BICD2: variants seen among roughly 807,000 people sequenced by gnomAD.
BICD2 encodes the protein protein bicaudal D homolog 2.
A neutral mutation model predicts 72.9 loss-of-function variants in BICD2; 25 were observed. The ratio of observed to expected loss-of-function variants is 0.34; its 90% CI spans 0.25 to 0.48. The LOEUF (loss-of-function observed/expected upper bound fraction) is 0.48, where lower values mean the gene tolerates loss of function less well. BICD2 is among the 20% of genes least tolerant of loss of function. The pLI is 0.99. For missense variants in BICD2, 894 were observed against 1,175.2 expected (o/e 0.76, Z 3.50); for synonymous variants, 501 against 516.1 (o/e 0.97, Z 0.40).
chr9:92,762,193 G>GA (rs914595276), intron 1 of BICD2, among the ~76,000 whole-genome samples: 40 of 151,332 alleles, frequency 2.6e-4, no homozygotes, highest in Middle Eastern at 3.4e-3. Flanking sequence ...CTCTACAGGA[G>GA]AAAAAAAACC....
intron 1 of BICD2, among the ~76,000 whole-genome samples, chr9:92,731,323 C>T (rs980026438): frequency 6.6e-6 from 1 of 152,178 alleles, no homozygotes; most frequent in Non-Finnish European, 1.5e-5. Context: ...AGCCTCCTGG[C>T]CTGAGCCCTG....
chr9:92,724,846 G>C (rs1052627883), intron 2 of BICD2, among the ~76,000 whole-genome samples: 1 of 152,200 alleles, frequency 6.6e-6, no homozygotes, highest in Non-Finnish European at 1.5e-5. Context: ...CTGCCAGAAA[G>C]GTTTGCCCAG....
chr9:92,729,280 G>T, intron 1 of BICD2, 44 bp from the exon 2 acceptor site: 2 of 1,602,538 alleles, frequency 1.2e-6, no homozygotes, highest in Non-Finnish European at 1.7e-6. Context: ...CCTCCCAGGG[G>T]CGCCGAAGGA....
At chr9:92,752,962 G>A (rs1479061000) in intron 1 of BICD2, among the ~76,000 whole-genome samples, 1 of 152,196 alleles carries the variant, frequency 6.6e-6, no homozygotes, top group Non-Finnish European at 1.5e-5. Flanking sequence ...TGGACAGGAA[G>A]AGAAAGAATA....
intron 1 of BICD2, among the ~76,000 whole-genome samples, chr9:92,756,260 CTTT>C (rs377608753): frequency 1.4e-5 from 2 of 144,692 alleles, no homozygotes. Flanking sequence ...ACCCTGGCTA[CTTT>C]TTTTTTTTTT....
chr9:92,752,991 G>A (rs1317555147), intron 1 of BICD2, among the ~76,000 whole-genome samples: 1 of 152,152 alleles, frequency 6.6e-6, no homozygotes, highest in Admixed American at 6.5e-5. Flanking sequence ...GTGGCGGTCA[G>A]GTGATCAAGG....
chr9:92,764,450 C>T lies in BICD2; in HGVS notation c.240+55G>A, dbSNP rs374621033. ...TTGGCCGCCCTGGTGCCAGGGACGA[C>T]GCCCACAGGCCCCGGCGCCGGGCGG... On this transcript the variant is annotated intron_variant, in intron 1 of 6. Coordinates refer to ENST00000356884, the MANE Select transcript of BICD2 (RefSeq NM_001003800.2). The surrounding 1 kb of genome is among the most constrained non-coding windows in gnomAD (Gnocchi z 5.5). 54 of 1,426,854 alleles carry T rather than the reference C, an allele frequency of 3.8e-5. 1 individual carries two copies. Among genetic ancestry groups the T allele is most frequent in the East Asian group, 3.3e-4 (11 of 33,028 alleles). 88.4% of individuals were successfully genotyped at this position (1,426,854 alleles called of 1,614,324 possible).
At chr9:92,750,266 G>A (rs1366508173) in intron 1 of BICD2, among the ~76,000 whole-genome samples, 1 of 152,204 alleles carries the variant, frequency 6.6e-6, no homozygotes, top group Admixed American at 6.5e-5. Flanking sequence ...GCTAAATACA[G>A]TCTTATCATA....
In BICD2 at chr9:92,718,898, G is replaced by T; in HGVS notation, c.1747C>A (p.Pro583Thr). The change falls in exon 5 of 7, where the codon CCC (proline) becomes ACC (threonine). Residue 583 changes from proline (P) to threonine (T), a missense_variant. Physicochemically the swap from Pro to Thr is conservative, Grantham distance 38. Transcript: ENST00000356884. The part of the protein sequence containing the change: ...TSPEARGRRS[P>T]ILLPKGLLAP... ...AGCAGCCCCTTGGGTAGGAGGATGG[G>T]TGAGCGCCGGCCACGCGCCTCGGGG... 6.3e-7 allele frequency: 1 copy of T among 1,598,426 alleles called. No individual in the cohort carries two copies. The highest frequency in any genetic ancestry group is 8.5e-7 in the Non-Finnish European group (1 of 1,173,364).
intron 1 of BICD2, among the ~76,000 whole-genome samples, chr9:92,743,355 C>T (rs1299037755): frequency 1.8e-5 from 2 of 112,228 alleles, no homozygotes; most frequent in Non-Finnish European, 3.6e-5. Flanking sequence ...ACCATGCCAG[C>T]TTTTTTTTTT....
At chr9:92,732,857 T>C (rs945395332) in intron 1 of BICD2, among the ~76,000 whole-genome samples, 2 of 152,220 alleles carry the variant, frequency 1.3e-5, no homozygotes, top group African/African-American at 4.8e-5. Flanking sequence ...AATCTTTATC[T>C]ACATGGAAGA....
At chr9:92,745,183 C>G (rs1294986384) in intron 1 of BICD2, among the ~76,000 whole-genome samples, 1 of 152,190 alleles carries the variant, frequency 6.6e-6, no homozygotes, top group Non-Finnish European at 1.5e-5. Flanking sequence ...ACCCCACAAA[C>G]AGATGTACAG....
chr9:92,724,759 G>A (rs1164901389), intron 2 of BICD2, among the ~76,000 whole-genome samples: 2 of 152,172 alleles, frequency 1.3e-5, no homozygotes, highest in Non-Finnish European at 2.9e-5. Context: ...CACCCCCCAG[G>A]AGTGTGCTTA....
At chr9:92,747,834 A>G (rs1854046843) in intron 1 of BICD2, among the ~76,000 whole-genome samples, 1 of 152,174 alleles carries the variant, frequency 6.6e-6, no homozygotes, top group Non-Finnish European at 1.5e-5. Flanking sequence ...AGCAAGTGGC[A>G]AGGCTCAGGA....
At position 92,714,157 on chromosome 9, in the gene BICD2, C is replaced by A. The variant is rs373324688; in HGVS notation, c.*997G>T. 9.1e-6 allele frequency: 9 copies of A among 985,628 alleles called. No individual in the cohort carries two copies. Among genetic ancestry groups the A allele is most frequent in the African/African-American group, 1.7e-5 (1 of 57,362 alleles). The allele number at this position is 985,628 out of a possible 1,614,324, so 61.1% of individuals were successfully genotyped here. On this transcript the variant is annotated 3_prime_UTR_variant, in exon 7 of 7. Coordinates refer to ENST00000356884, the MANE Select transcript of BICD2 (RefSeq NM_001003800.2). Reference sequence around the variant, plus strand: ...TGTGAATCCTGACAAGTGGCCCTGGCCCTATGCAAAGCTTTCCCAGCACCG... The same window carrying A: ...TGTGAATCCTGACAAGTGGCCCTGGACCTATGCAAAGCTTTCCCAGCACCG...
chr9:92,751,844 G>A (rs868354664), intron 1 of BICD2, among the ~76,000 whole-genome samples: 1 of 145,634 alleles, frequency 6.9e-6, no homozygotes, highest in African/African-American at 2.5e-5. Flanking sequence ...TGCTCCTGTC[G>A]CCCAGGCTGG....
rs1241701222 is a variant in BICD2, at chr9:92,713,962, T to A, written c.*1192A>T. On this transcript the variant is annotated 3_prime_UTR_variant, in exon 7 of 7. Transcript: ENST00000356884. ...AGACTGCAGCCTCAGGTCCAGCTGG[T>A]CCCACAGGGTGATCGGGAAAAAAGT... is the stretch of plus-strand genomic sequence containing the variant. The A allele has an allele frequency of 1.0e-6, 1 of 988,140 alleles. No homozygotes were observed. The highest frequency in any genetic ancestry group is 1.7e-5 in the African/African-American group (1 of 57,226). 61.2% of individuals were successfully genotyped at this position (988,140 alleles called of 1,614,324 possible). A position where few individuals can be genotyped will look rare whatever the true frequency, so the allele number is the denominator to read the frequency against.
intron 1 of BICD2, among the ~76,000 whole-genome samples, chr9:92,756,016 TAAG>T: frequency 6.6e-6 from 1 of 152,166 alleles, no homozygotes; most frequent in South Asian, 2.1e-4. Flanking sequence ...GCCATGCTAG[TAAG>T]AGTATGAGTG....
At chr9:92,756,671 G>C (rs1292989608) in intron 1 of BICD2, among the ~76,000 whole-genome samples, 1 of 151,262 alleles carries the variant, frequency 6.6e-6, no homozygotes, top group Non-Finnish European at 1.5e-5. Context: ...AGGAGTTCAA[G>C]ACCTGCCTAA....
Sources: gnomAD v4.1 joint callset for allele counts (sites outside exome capture counted in the v4.1 genomes callset) on GRCh38, gnomAD v4.1.1 for gene constraint, Gnocchi (gnomAD v3.1) non-coding constraint, MANE v1.5 for transcripts, NCBI Gene and HGNC (gene_info 2026-07-23, HGNC 2026-07-21) for gene names.